The following NCMAP variants were observed in gnomAD, a reference collection of about 807,000 sequenced individuals.
The protein encoded by NCMAP is noncompact myelin-associated protein.
NCMAP carries 8 observed loss-of-function variants against 7.8 expected under a neutral mutation model. The ratio of observed to expected loss-of-function variants is 1.02; its 90% CI spans 0.60 to 1.84. The LOEUF is 1.84. NCMAP is among the 40% of genes most tolerant of loss of function. The pLI is 0.00. For synonymous variants in NCMAP, 41 were observed against 52.9 expected, an observed-to-expected ratio of 0.78 and a Z score of 0.98; for missense variants, 112 against 131.4, an observed-to-expected ratio of 0.85 and a Z score of 0.72.
chr1:24,596,017 C>T (rs971119667), intron 2 of NCMAP, among the ~76,000 whole-genome samples: 2 of 152,036 alleles, frequency 1.3e-5, no homozygotes, highest in African/African-American at 4.8e-5. Context: ...TGTGGTGGCT[C>T]ACACCTTTAA....
chr1:24,578,017 C>G (rs1651637340), intron 1 of NCMAP, among the ~76,000 whole-genome samples: 1 of 151,748 alleles, frequency 6.6e-6, no homozygotes, highest in South Asian at 2.1e-4. Flanking sequence ...AATCCCAGCA[C>G]TTTGGGAGGC....
chr1:24,599,997 AT>A (rs56946336), intron 2 of NCMAP, among the ~76,000 whole-genome samples: 8,543 of 151,026 alleles, frequency 0.057, 455 homozygotes, highest in African/African-American at 0.13. Flanking sequence ...TATAACGGGT[AT>A]TTTTTTTTAA....
chr1:24,606,866 A>G lies in NCMAP; in HGVS notation c.*1119A>G, dbSNP rs1463279637. On this transcript the variant is annotated 3_prime_UTR_variant, in exon 4 of 4. Transcript: ENST00000374392. ...GTTTCCTAACCATGAAGTGGAAATG[A>G]TAACACCTGCCTCATTGGGGCACTA... The G allele has an allele frequency of 1.3e-5, 2 of 152,248 alleles. No homozygotes were observed. Among genetic ancestry groups the G allele is most frequent in the African/African-American group, 4.8e-5 (2 of 41,472 alleles). 9.4% of individuals were successfully genotyped at this position (152,248 alleles called of 1,614,324 possible).
chr1:24,591,371 G>A (rs1227933883), intron 1 of NCMAP, among the ~76,000 whole-genome samples: 2 of 152,270 alleles, frequency 1.3e-5, no homozygotes, highest in East Asian at 1.9e-4. Context: ...AGGTTTAAGC[G>A]ATTCTTCTGC....
At chr1:24,587,228 G>C (rs1160606489) in intron 1 of NCMAP, among the ~76,000 whole-genome samples, 2 of 152,170 alleles carry the variant, frequency 1.3e-5, no homozygotes, top group African/African-American at 2.4e-5. Flanking sequence ...AGGAACCCAT[G>C]AGGGACACCA....
intron 1 of NCMAP, among the ~76,000 whole-genome samples, chr1:24,567,643 A>T (rs184342585): frequency 6.6e-6 from 1 of 152,342 alleles, no homozygotes; most frequent in African/African-American, 2.4e-5. Flanking sequence ...ACAGTTGAGG[A>T]AACAGGCATG....
In NCMAP at chr1:24,594,035, GCA is replaced by G. The variant is rs1012347316; in HGVS notation, c.-7-1387_-7-1386del. 2.1e-5 allele frequency among the ~76,000 whole-genome samples: 3 copies of G among 140,694 alleles called. No individual in the cohort carries two copies. In the Admixed American group the frequency reaches 2.2e-4, roughly 10 times the overall value. 92.3% of individuals were successfully genotyped at this position (140,694 alleles called of 152,430 possible). On this transcript the variant is annotated intron_variant, in intron 1 of 3. Transcript: ENST00000374392. ...GCCTCCCGAGTAGCCGGGATTACAGGCACCCACCACCATGCCTGGCTAATTTT... is the reference window on the plus strand; with the variant it reads ...GCCTCCCGAGTAGCCGGGATTACAGGCCCACCACCATGCCTGGCTAATTTT...
At chr1:24,602,994 C>T (rs1316838279) in intron 3 of NCMAP, among the ~76,000 whole-genome samples, 1 of 151,898 alleles carries the variant, frequency 6.6e-6, no homozygotes, top group Non-Finnish European at 1.5e-5. Context: ...GAGCTGAGAT[C>T]GCACCACTGC....
intron 1 of NCMAP, among the ~76,000 whole-genome samples, chr1:24,560,570 C>A (rs774527895): frequency 6.6e-6 from 1 of 152,098 alleles, no homozygotes; most frequent in Non-Finnish European, 1.5e-5. Flanking sequence ...CATAGGGAGA[C>A]CCTGTCTCTA....
In NCMAP at chr1:24,605,863, C is replaced by T. The variant is rs527344488; in HGVS notation, c.*116C>T. The T allele has an allele frequency of 8.1e-7, 1 of 1,237,036 alleles. No homozygotes were observed. The highest frequency in any genetic ancestry group is 1.5e-5 in the African/African-American group (1 of 65,796). 76.6% of individuals were successfully genotyped at this position (1,237,036 alleles called of 1,614,324 possible). A position where few individuals can be genotyped will look rare whatever the true frequency, so the allele number is the denominator to read the frequency against. ...CTTCTTCTGGTCAGGTCGACAGAGACATCTTTGACGCAATCTCTGATGCTT... is the reference window on the plus strand; with the variant it reads ...CTTCTTCTGGTCAGGTCGACAGAGATATCTTTGACGCAATCTCTGATGCTT... On this transcript the variant is annotated 3_prime_UTR_variant, in exon 4 of 4. Transcript: ENST00000374392.
At chr1:24,599,280 C>CAAA (rs34709750) in intron 2 of NCMAP, among the ~76,000 whole-genome samples, 5 of 101,624 alleles carry the variant, frequency 4.9e-5, no homozygotes, top group Admixed American at 2.2e-4. Flanking sequence ...AACTCCCTCT[C>CAAA]AAAAAAAAAA....
intron 1 of NCMAP, among the ~76,000 whole-genome samples, chr1:24,567,770 G>A (rs954874437): frequency 6.6e-6 from 1 of 152,118 alleles, no homozygotes. Flanking sequence ...GAGGGAAGAA[G>A]TGGAGGACAT....
At chr1:24,584,536 G>T (rs1046223182) in intron 1 of NCMAP, among the ~76,000 whole-genome samples, 3 of 152,162 alleles carry the variant, frequency 2.0e-5, no homozygotes, top group Non-Finnish European at 4.4e-5. Context: ...GGGTGGGGAA[G>T]TAAGACTTCC....
At chr1:24,565,967 C>G (rs373638504) in intron 1 of NCMAP, among the ~76,000 whole-genome samples, 178 of 152,182 alleles carry the variant, frequency 1.2e-3, no homozygotes, top group Non-Finnish European at 1.2e-3. Context: ...CTCATGAGAT[C>G]TGATGGTTCT....
chr1:24,579,519 G>C (rs1651686262), intron 1 of NCMAP, among the ~76,000 whole-genome samples: 1 of 152,120 alleles, frequency 6.6e-6, no homozygotes, highest in Non-Finnish European at 1.5e-5. Flanking sequence ...AGGATCACTT[G>C]AGTCTAGGAG....
intron 1 of NCMAP, among the ~76,000 whole-genome samples, chr1:24,581,144 G>A (rs1336435564): frequency 6.6e-6 from 1 of 150,996 alleles, no homozygotes; most frequent in Admixed American, 6.6e-5. Context: ...TTGAGACGAG[G>A]TCTCGCTGCG....
intron 1 of NCMAP, among the ~76,000 whole-genome samples, chr1:24,574,888 C>T (rs1397565401): frequency 6.6e-6 from 1 of 151,184 alleles, no homozygotes; most frequent in Non-Finnish European, 1.5e-5. Context: ...CACTGCCTCC[C>T]GGGTTCAAGC....
intron 1 of NCMAP, among the ~76,000 whole-genome samples, chr1:24,590,174 G>A (rs766027468): frequency 6.6e-6 from 1 of 152,156 alleles, no homozygotes; most frequent in Admixed American, 6.5e-5. Flanking sequence ...ATCTTACATG[G>A]CATTTTGCTA....
At chr1:24,577,420 T>TTTTTTTTTTTTTTTTTTTTTTTTG (rs1557596597) in intron 1 of NCMAP, among the ~76,000 whole-genome samples, 1 of 143,750 alleles carries the variant, frequency 7.0e-6, no homozygotes, top group Non-Finnish European at 1.5e-5. Context: ...TTTTTTTTTT[T>TTTTTTTTTTTTTTTTTTTTTTTTG]TTTTTTTTTT....
Sources: allele counts gnomAD v4.1 joint callset (sites outside exome capture counted in the v4.1 genomes callset), GRCh38; gene constraint gnomAD v4.1.1; transcripts MANE v1.5; gene names NCBI Gene and HGNC (gene_info 2026-07-23, HGNC 2026-07-21).